Variants in SLC39A9 observed in about 807,000 individuals in gnomAD.
SLC39A9 encodes the protein zinc transporter ZIP9.
SLC39A9 carries 14 observed loss-of-function variants against 28.4 expected under a neutral mutation model. The observed-to-expected ratio is 0.49, with a 90% CI of 0.33 to 0.77. SLC39A9 has a LOEUF of 0.77. Ranked by LOEUF, SLC39A9 falls within the 30% of genes least tolerant of loss-of-function variation. SLC39A9 has a pLI of 0.02. For missense variants in SLC39A9, 283 were observed against 381.1 expected (o/e 0.74, Z 2.14); for synonymous variants, 119 against 149.6 (o/e 0.80, Z 1.49).
chr14:69,438,773 A>G (rs1884901870), intron 2 of SLC39A9, among the ~76,000 whole-genome samples: 1 of 152,214 alleles, frequency 6.6e-6, no homozygotes. Context: ...TGTATTGTCA[A>G]AACTGCTATT....
chr14:69,430,522 T>C (rs551189832), intron 2 of SLC39A9, among the ~76,000 whole-genome samples: 1 of 152,364 alleles, frequency 6.6e-6, no homozygotes, highest in Non-Finnish European at 1.5e-5. Flanking sequence ...TTCTGTTTTA[T>C]TGATCTGTAT....
At chr14:69,458,229 C>T (rs1255493285) in intron 6 of SLC39A9, 134 bp from the exon 7 acceptor site, 1 of 1,045,576 alleles carries the variant, frequency 9.6e-7, no homozygotes, top group East Asian at 2.4e-5. Flanking sequence ...CTTAAAGTTG[C>T]TGTGTTCTCT....
At chr14:69,440,933 G>A (rs559870356) in intron 2 of SLC39A9, among the ~76,000 whole-genome samples, 33 of 152,246 alleles carry the variant, frequency 2.2e-4, no homozygotes, top group African/African-American at 6.7e-4. Context: ...AAAGTACTAC[G>A]ATTACAGGCA....
intron 1 of SLC39A9, among the ~76,000 whole-genome samples, chr14:69,404,617 C>A (rs1882811097): frequency 6.6e-6 from 1 of 152,144 alleles, no homozygotes; most frequent in Non-Finnish European, 1.5e-5. Context: ...GGAAGCTCCT[C>A]CCCCTCCTCC....
At chr14:69,401,427 T>A (rs1882628862) in intron 1 of SLC39A9, among the ~76,000 whole-genome samples, 1 of 152,200 alleles carries the variant, frequency 6.6e-6, no homozygotes, top group Non-Finnish European at 1.5e-5. Context: ...GGCTGACATG[T>A]GTGAGATTTG....
At chr14:69,420,316 A>G (rs1422839223) in intron 1 of SLC39A9, among the ~76,000 whole-genome samples, 1 of 152,188 alleles carries the variant, frequency 6.6e-6, no homozygotes, top group Non-Finnish European at 1.5e-5. Context: ...GAGAATGTTG[A>G]ATATTGGCCC....
intron 2 of SLC39A9, among the ~76,000 whole-genome samples, chr14:69,426,943 C>T (rs1884227146): frequency 6.6e-6 from 1 of 151,654 alleles, no homozygotes; most frequent in Non-Finnish European, 1.5e-5. Flanking sequence ...CACACACATA[C>T]ATAAAATAAC....
Position 69,461,349 on chromosome 14 carries a change from G to T in SLC39A9, c.*2756G>T. The T allele has an allele frequency of 9.1e-7, 1 of 1,104,610 alleles. No individual in the cohort carries two copies. Among genetic ancestry groups the T allele is most frequent in the Non-Finnish European group, 1.1e-6 (1 of 900,600 alleles). The allele number at this position is 1,104,610 out of a possible 1,614,324, so 68.4% of individuals were successfully genotyped here. A position where few individuals can be genotyped will look rare whatever the true frequency, so the allele number is the denominator to read the frequency against. ...TTATTCTCCAGTTAATTGCTTGTCAGTTCCATTTCAAGAAAGCAGTGATGT... is the reference window on the plus strand; with the variant it reads ...TTATTCTCCAGTTAATTGCTTGTCATTTCCATTTCAAGAAAGCAGTGATGT... On this transcript the variant is annotated 3_prime_UTR_variant, in exon 7 of 7. Transcript: ENST00000336643.
rs560146813 is a variant in SLC39A9, at chr14:69,413,368, A to T, written c.97-10726A>T. ...GAGACTCCGTCTCAAAAAAAAAAAA[A>T]ATTTTTTTTCAAAGAATCGATACAG... On this transcript the variant is annotated intron_variant, in intron 1 of 6. Coordinates refer to ENST00000336643, the MANE Select transcript of SLC39A9 (RefSeq NM_018375.5). Among the ~76,000 whole-genome samples, 289 of 152,236 alleles carry T rather than the reference A, an allele frequency of 1.9e-3. 1 individual carries two copies. Among genetic ancestry groups the T allele is most frequent in the African/African-American group, 6.6e-3 (272 of 41,526 alleles).
rs35612117 is a variant in SLC39A9 at position 69,446,873 on chromosome 14, C to CAA, written c.403+4622_403+4623dup. Reference sequence around the variant, plus strand: ...GGGAGACAAGAACTAAACTCTGTCTCAAAAAAAAAAAAAAAAGAAAAAGAA... The same window carrying CAA: ...GGGAGACAAGAACTAAACTCTGTCTCAAAAAAAAAAAAAAAAAAGAAAAAGAA... On this transcript the variant is annotated intron_variant, in intron 3 of 6. Transcript: ENST00000336643. Among the ~76,000 whole-genome samples the CAA allele has an allele frequency of 2.0e-3, 181 of 89,732 alleles. 3 individuals are homozygous for CAA. The highest frequency in any genetic ancestry group is 0.016 in the East Asian group (46 of 2,894). The allele number at this position is 89,732 out of a possible 152,430, so 58.9% of individuals were successfully genotyped here.
At chr14:69,421,979 G>A (rs1375823749) in intron 1 of SLC39A9, among the ~76,000 whole-genome samples, 1 of 152,066 alleles carries the variant, frequency 6.6e-6, no homozygotes, top group Non-Finnish European at 1.5e-5. Context: ...GTGTCACCCC[G>A]CCCTGCTTCA....
chr14:69,437,009 A>C (rs1884794205), intron 2 of SLC39A9, among the ~76,000 whole-genome samples: 1 of 152,108 alleles, frequency 6.6e-6, no homozygotes, highest in African/African-American at 2.4e-5. Flanking sequence ...CTGGGACTAC[A>C]GGTGCCTGCC....
intron 1 of SLC39A9, among the ~76,000 whole-genome samples, 153 bp downstream of exon 1, chr14:69,399,618 TAGAA>T (rs956937323): frequency 2.6e-5 from 4 of 152,184 alleles, no homozygotes; most frequent in African/African-American, 9.7e-5. Context: ...CACTTAATAA[TAGAA>T]AGAAACCTCA....
intron 2 of SLC39A9, among the ~76,000 whole-genome samples, chr14:69,431,543 T>C (rs1884492376): frequency 6.6e-6 from 1 of 151,722 alleles, no homozygotes; most frequent in African/African-American, 2.4e-5. Context: ...AGGTTTTTTA[T>C]GGATTCCCTG....
intron 1 of SLC39A9, among the ~76,000 whole-genome samples, chr14:69,419,366 C>G (rs1044770101): frequency 1.3e-5 from 2 of 152,140 alleles, no homozygotes; most frequent in African/African-American, 2.4e-5. Context: ...GTCTGAGAGA[C>G]AGTTTATTGT....
intron 1 of SLC39A9, among the ~76,000 whole-genome samples, chr14:69,403,903 C>T (rs140169433): frequency 9.3e-4 from 142 of 152,174 alleles, no homozygotes; most frequent in Non-Finnish European, 1.5e-3. Flanking sequence ...ATTATTTGGG[C>T]GTGGTGGCAC....
intron 1 of SLC39A9, among the ~76,000 whole-genome samples, chr14:69,409,881 A>G (rs1327283592): frequency 6.6e-6 from 1 of 152,230 alleles, no homozygotes; most frequent in Non-Finnish European, 1.5e-5. Flanking sequence ...GCATTTTTAC[A>G]ACAAATGCAA....
intron 3 of SLC39A9, among the ~76,000 whole-genome samples, chr14:69,450,847 G>A (rs1035543703): frequency 6.6e-5 from 10 of 152,142 alleles, no homozygotes; most frequent in Non-Finnish European, 1.0e-4. Flanking sequence ...TGTAGCTTGT[G>A]TTCCATTATT....
chr14:69,423,351 A>G (rs886939511), intron 1 of SLC39A9, among the ~76,000 whole-genome samples: 6 of 152,054 alleles, frequency 3.9e-5, no homozygotes, highest in Admixed American at 2.0e-4. Context: ...CCTTTATTGG[A>G]CATTTATTTT....
Sources: allele counts gnomAD v4.1 joint callset (sites outside exome capture counted in the v4.1 genomes callset), GRCh38; gene constraint gnomAD v4.1.1; transcripts MANE v1.5; gene names NCBI Gene and HGNC (gene_info 2026-07-23, HGNC 2026-07-21).